The following C10orf67 variants were observed in gnomAD, a reference collection of about 807,000 sequenced individuals.
The protein encoded by C10orf67 is uncharacterized protein C10orf67, mitochondrial.
In C10orf67, 60 loss-of-function variants were observed where a neutral mutation model predicts 35.6. The ratio of observed to expected loss-of-function variants is 1.68; its 90% CI spans 1.37 to 2.09. The LOEUF (loss-of-function observed/expected upper bound fraction) is 2.09, where lower values mean the gene tolerates loss of function less well. Among genes scored for constraint, C10orf67 ranks in the 30% most tolerant of loss-of-function variants. C10orf67 has a pLI of 0.00. For synonymous variants in C10orf67, 167 were observed against 115.8 expected (o/e 1.44, Z -2.84); for missense variants, 474 against 330.2 (o/e 1.44, Z -3.38).
At chr10:23,202,631 TG>T (rs1841055494), downstream of C10orf67, 1 of 152,184 alleles carries the variant, frequency 6.6e-6, no homozygotes, top group Non-Finnish European at 1.5e-5. Context: ...AGGACCTGGG[TG>T]GTTTGCAATT....
At chr10:23,301,346 G>C (rs905181802) in intron 5 of C10orf67, among the ~76,000 whole-genome samples, 10 of 152,184 alleles carry the variant, frequency 6.6e-5, no homozygotes, top group African/African-American at 2.4e-4. Context: ...GGGGTTGTTA[G>C]AAAGCCCTTC....
intron 5 of C10orf67, among the ~76,000 whole-genome samples, chr10:23,301,239 A>G (rs2132281540): frequency 6.6e-6 from 1 of 152,150 alleles, no homozygotes; most frequent in East Asian, 1.9e-4. Context: ...GTTTGGGATG[A>G]CAGGTTTCTG....
Position 23,266,320 on chromosome 10 carries a change from G to A in C10orf67, c.1142C>T (p.Ser381Phe), listed in dbSNP as rs1394237764. ...RPHSATMSVS[S>F]AGAQKAKMPK... The stretch of plus-strand genomic sequence containing the variant: ...CATTTTAGCTTTCTGGGCCCCAGCA[G>A]ATGATACACTCATGGTCGCAGAATG... The change falls in exon 10 of 16, where the codon TCT (serine) becomes TTT (phenylalanine). Residue 381 changes from serine to phenylalanine, a missense_variant. Coordinates refer to ENST00000636213, the MANE Select transcript of C10orf67 (RefSeq NM_001371909.1). 2.5e-6 allele frequency: 1 copy of A among 398,568 alleles called. No homozygotes were observed. The highest frequency in any genetic ancestry group is 4.4e-6 in the Non-Finnish European group (1 of 226,122). The allele number at this position is 398,568 out of a possible 1,614,324, so 24.7% of individuals were successfully genotyped here.
chr10:23,269,492 G>A (rs1319250288), intron 8 of C10orf67, among the ~76,000 whole-genome samples: 1 of 152,086 alleles, frequency 6.6e-6, no homozygotes, highest in African/African-American at 2.4e-5. Context: ...ACAAAACCAA[G>A]AGAAGACATA....
intron 8 of C10orf67, among the ~76,000 whole-genome samples, chr10:23,280,735 C>T (rs1011098516): frequency 2.6e-5 from 4 of 152,216 alleles, no homozygotes; most frequent in South Asian, 2.1e-4. Flanking sequence ...CAATAGCACC[C>T]GTTAAAGGCT....
At chr10:23,328,062 TATTTAA>T (rs1243051971) in intron 2 of C10orf67, among the ~76,000 whole-genome samples, 1 of 152,112 alleles carries the variant, frequency 6.6e-6, no homozygotes, top group Non-Finnish European at 1.5e-5. Context: ...AAAATTCGAG[TATTTAA>T]ATTTAAATAC....
At chr10:23,320,601 C>T in intron 4 of C10orf67, 140 bp downstream of exon 4, 2 of 642,154 alleles carry the variant, frequency 3.1e-6, no homozygotes, top group Non-Finnish European at 5.5e-6. Flanking sequence ...CCTGATCCCT[C>T]TAAGGTGACC....
chr10:23,317,979 G>C (rs149943378), intron 4 of C10orf67: 9 of 151,328 alleles, frequency 5.9e-5, no homozygotes, highest in African/African-American at 2.2e-4. Context: ...GTACATGCCT[G>C]TAGTCCCAGC....
At chr10:23,254,496 C>A (rs1842547370) in intron 10 of C10orf67, among the ~76,000 whole-genome samples, 1 of 144,456 alleles carries the variant, frequency 6.9e-6, no homozygotes, top group Admixed American at 6.8e-5. Flanking sequence ...AGGCATGAGC[C>A]ACCACTACTG....
intron 15 of C10orf67, among the ~76,000 whole-genome samples, chr10:23,219,436 A>G (rs1260489329): frequency 6.6e-6 from 1 of 152,240 alleles, no homozygotes; most frequent in Non-Finnish European, 1.5e-5. Flanking sequence ...TTGAGTACAT[A>G]AAATCTGTGG....
At chr10:23,233,058 G>A (rs180807821) in intron 13 of C10orf67, among the ~76,000 whole-genome samples, 1 of 152,250 alleles carries the variant, frequency 6.6e-6, no homozygotes, top group Non-Finnish European at 1.5e-5. Context: ...TCAGGAGGCT[G>A]AGGTAAGACA....
chr10:23,279,129 A>C (rs1169850197), intron 8 of C10orf67, among the ~76,000 whole-genome samples: 1 of 152,196 alleles, frequency 6.6e-6, no homozygotes, highest in Admixed American at 6.5e-5. Flanking sequence ...TGTGAAGGCT[A>C]TGCAGGACTA....
intron 12 of C10orf67, among the ~76,000 whole-genome samples, chr10:23,249,131 C>CAAAAAAAAAAAAAAAA (rs57702096): frequency 4.6e-5 from 1 of 21,558 alleles, no homozygotes; most frequent in East Asian, 2.9e-3. Context: ...AACTCCCTCT[C>CAAAAAAAAAAAAAAAA]AAAAAAAAAA....
rs564595747 is a variant in C10orf67, at chr10:23,326,992, A to T, written c.328-4455T>A. The stretch of plus-strand genomic sequence containing the variant: ...CTGAAATACTTGATAATAATAATAA[A>T]AAAGACAGAAGGACACAATTAGAGA... On this transcript the variant is annotated intron_variant, in intron 2 of 15. Coordinates refer to ENST00000636213, the MANE Select transcript of C10orf67 (RefSeq NM_001371909.1). 1.4e-4 allele frequency among the ~76,000 whole-genome samples: 21 copies of T among 152,274 alleles called. 1 individual carries two copies. The highest frequency in any genetic ancestry group is 4.8e-4 in the African/African-American group (20 of 41,582).
At chr10:23,250,085 A>G (rs902013559) in intron 12 of C10orf67, among the ~76,000 whole-genome samples, 1 of 152,214 alleles carries the variant, frequency 6.6e-6, no homozygotes, top group African/African-American at 2.4e-5. Context: ...TCTGATACAT[A>G]AAGCAACTTT....
At chr10:23,266,720 G>A (rs905745393) in intron 9 of C10orf67, among the ~76,000 whole-genome samples, 1 of 152,076 alleles carries the variant, frequency 6.6e-6, no homozygotes, top group African/African-American at 2.4e-5. Context: ...GTGGAGGGGG[G>A]TGGGTGGCAG....
intron 10 of C10orf67, among the ~76,000 whole-genome samples, chr10:23,257,640 A>G (rs1319153706): frequency 6.6e-6 from 1 of 152,106 alleles, no homozygotes; most frequent in Non-Finnish European, 1.5e-5. Flanking sequence ...CTATCTCTAT[A>G]AAAAATACAA....
intron 5 of C10orf67, among the ~76,000 whole-genome samples, chr10:23,292,811 C>A (rs1418039543): frequency 6.6e-6 from 1 of 151,478 alleles, no homozygotes; most frequent in East Asian, 1.9e-4. Flanking sequence ...ATCTTCATGA[C>A]TTTGATTCAC....
intron 12 of C10orf67, among the ~76,000 whole-genome samples, chr10:23,244,999 T>G (rs1238685201): frequency 6.6e-6 from 1 of 152,248 alleles, no homozygotes; most frequent in South Asian, 2.1e-4. Context: ...TGTACTGACA[T>G]GAAAATAGAC....
Sources: gnomAD v4.1 joint callset for allele counts (sites outside exome capture counted in the v4.1 genomes callset) on GRCh38, gnomAD v4.1.1 for gene constraint, MANE v1.5 for transcripts, NCBI Gene and HGNC (gene_info 2026-07-23, HGNC 2026-07-21) for gene names.